TMEM108: variants seen among roughly 807,000 people sequenced by gnomAD.
TMEM108 encodes transmembrane protein 108.
Under a neutral mutation model 35.1 loss-of-function variants are expected in TMEM108, and 12 were observed. The ratio of observed to expected loss-of-function variants is 0.34; its 90% CI spans 0.22 to 0.55. The LOEUF is 0.55. Among genes scored for constraint, TMEM108 ranks in the 20% least tolerant of loss-of-function variants. The probability of loss-of-function intolerance (pLI) is 0.89; values close to 1 mark genes in which losing one functional copy is unlikely to be tolerated. For synonymous variants in TMEM108, 287 were observed against 308.6 expected (o/e 0.93, Z 0.73); for missense variants, 680 against 753.3 (o/e 0.90, Z 1.14).
chr3:133,311,664 C>T (rs1307915707), intron 3 of TMEM108, among the ~76,000 whole-genome samples: 2 of 152,176 alleles, frequency 1.3e-5, no homozygotes, highest in Non-Finnish European at 2.9e-5. Flanking sequence ...GAACATGCTC[C>T]TTTAGCTCAG....
At chr3:133,344,695 C>T (rs2071763688) in intron 3 of TMEM108, among the ~76,000 whole-genome samples, 1 of 151,626 alleles carries the variant, frequency 6.6e-6, no homozygotes, top group Admixed American at 6.6e-5. Context: ...GTGCACCTTT[C>T]AGTCTAGTAA....
chr3:133,271,773 T>C (rs1038592588), intron 3 of TMEM108, among the ~76,000 whole-genome samples: 3 of 152,104 alleles, frequency 2.0e-5, no homozygotes, highest in Non-Finnish European at 4.4e-5. Flanking sequence ...ACGCTAAGCT[T>C]GTTTTAGTCA....
intron 3 of TMEM108, among the ~76,000 whole-genome samples, chr3:133,244,703 A>G (rs750917135): frequency 9.2e-5 from 14 of 152,172 alleles, no homozygotes; most frequent in South Asian, 4.1e-4. Flanking sequence ...CAGCCTGACA[A>G]TCCTCCAAAT....
chr3:133,161,700 C>CAA (rs34741383), intron 2 of TMEM108, among the ~76,000 whole-genome samples: 134 of 139,150 alleles, frequency 9.6e-4, no homozygotes, highest in African/African-American at 1.8e-3. Context: ...CTCATTCCCT[C>CAA]AAAAAAAAAA....
intron 1 of TMEM108, among the ~76,000 whole-genome samples, chr3:133,042,904 G>T (rs1415242705): frequency 6.6e-6 from 1 of 152,212 alleles, no homozygotes; most frequent in Non-Finnish European, 1.5e-5. Context: ...CTGGGGCCAA[G>T]AAAATTTTCT....
At chr3:133,088,438 A>G (rs1379626704) in intron 2 of TMEM108, among the ~76,000 whole-genome samples, 1 of 152,180 alleles carries the variant, frequency 6.6e-6, no homozygotes, top group Non-Finnish European at 1.5e-5. Context: ...TTGAAAGAGC[A>G]TGTGGGGTGG....
intron 3 of TMEM108, among the ~76,000 whole-genome samples, chr3:133,250,699 A>G (rs997728814): frequency 9.2e-5 from 14 of 152,222 alleles, no homozygotes; most frequent in African/African-American, 3.1e-4. Context: ...CAAATCATGA[A>G]ATGTTAAACA....
At chr3:133,077,783 T>C (rs548538899) in intron 2 of TMEM108, among the ~76,000 whole-genome samples, 10 of 152,180 alleles carry the variant, frequency 6.6e-5, no homozygotes, top group Non-Finnish European at 1.3e-4. Flanking sequence ...ACAGGAGAGA[T>C]GGTCCATTCG....
At chr3:133,266,007 A>C (rs1576421528) in intron 3 of TMEM108, among the ~76,000 whole-genome samples, 1 of 151,960 alleles carries the variant, frequency 6.6e-6, no homozygotes. Flanking sequence ...GTCTTTACTG[A>C]CAAACTTATA....
chr3:133,247,117 T>C (rs1172304286), intron 3 of TMEM108: 2 of 152,162 alleles, frequency 1.3e-5, no homozygotes, highest in East Asian at 3.8e-4. Flanking sequence ...AATAAAACCT[T>C]CAATCACAAT....
rs1204719310 is a variant in TMEM108, at chr3:133,397,594, T to C, written c.*1608T>C. On this transcript the variant is annotated 3_prime_UTR_variant, in exon 6 of 6. Transcript: ENST00000321871. Reference sequence around the variant, plus strand: ...TATTTCTGTTAACTGTTACATTTAATATACCAATGTGTGTAAGTATACAGA... The same window carrying C: ...TATTTCTGTTAACTGTTACATTTAACATACCAATGTGTGTAAGTATACAGA... 3 of 152,194 alleles carry C rather than the reference T, an allele frequency of 2.0e-5. No individual in the cohort carries two copies. Among genetic ancestry groups the C allele is most frequent in the Non-Finnish European group, 4.4e-5 (3 of 68,032 alleles). 9.4% of individuals were successfully genotyped at this position (152,194 alleles called of 1,614,324 possible).
At chr3:133,063,146 C>T (rs1323388653) in intron 2 of TMEM108, among the ~76,000 whole-genome samples, 1 of 152,056 alleles carries the variant, frequency 6.6e-6, no homozygotes, top group Non-Finnish European at 1.5e-5. Context: ...GGAGGAATTT[C>T]AGCTAAGAAG....
At chr3:133,057,431 GTGTGTATATATATATATATATA>G (rs71136454) in intron 2 of TMEM108, among the ~76,000 whole-genome samples, 6,732 of 42,250 alleles carry the variant, frequency 0.16, 260 homozygotes, top group Non-Finnish European at 0.22. Context: ...TTGTGTGTGT[GTGTGTATATATATATATATATA>G]TATATATATA....
intron 2 of TMEM108, among the ~76,000 whole-genome samples, chr3:133,129,869 G>A (rs1944466836): frequency 7.8e-6 from 1 of 127,784 alleles, no homozygotes; most frequent in South Asian, 2.6e-4. Context: ...CTTTCTAAAT[G>A]TATTATTTGC....
intron 2 of TMEM108, among the ~76,000 whole-genome samples, chr3:133,179,013 C>T (rs1213057731): frequency 1.3e-5 from 2 of 152,174 alleles, no homozygotes; most frequent in Non-Finnish European, 2.9e-5. Flanking sequence ...ACAGACACTT[C>T]TCAAAAGAAG....
At chr3:133,286,995 T>G (rs1426633299) in intron 3 of TMEM108, among the ~76,000 whole-genome samples, 1 of 152,242 alleles carries the variant, frequency 6.6e-6, no homozygotes, top group Non-Finnish European at 1.5e-5. Flanking sequence ...CATTTGAGTA[T>G]TCTCTATTTT....
chr3:133,375,609 G>A (rs1449208155), intron 3 of TMEM108, among the ~76,000 whole-genome samples: 3 of 152,172 alleles, frequency 2.0e-5, no homozygotes, highest in Non-Finnish European at 2.9e-5. Context: ...GGCCTCAGAT[G>A]TTTATTGTGA....
At chr3:133,057,433 GTGTATATATATATATATATATA>G (rs1187811179) in intron 2 of TMEM108, among the ~76,000 whole-genome samples, 254 of 24,846 alleles carry the variant, frequency 0.01, 7 homozygotes, top group African/African-American at 0.019. Flanking sequence ...GTGTGTGTGT[GTGTATATATATATATATATATA>G]TATATATATA....
intron 2 of TMEM108, among the ~76,000 whole-genome samples, chr3:133,206,905 C>A (rs542321802): frequency 4.6e-5 from 7 of 152,332 alleles, no homozygotes; most frequent in Non-Finnish European, 7.4e-5. Flanking sequence ...GGCCCACAGC[C>A]GGCCCTTCCC....
Sources: gnomAD v4.1 joint callset for allele counts (sites outside exome capture counted in the v4.1 genomes callset) on GRCh38, gnomAD v4.1.1 for gene constraint, MANE v1.5 for transcripts, NCBI Gene and HGNC (gene_info 2026-07-23, HGNC 2026-07-21) for gene names.